BBS4: variants seen among roughly 807,000 people sequenced by gnomAD.
The protein encoded by BBS4 is BBSome complex member BBS4.
Under a neutral mutation model 71.4 loss-of-function variants are expected in BBS4, and 58 were observed. The observed-to-expected ratio is 0.81, with a 90% CI of 0.66 to 1.01. The LOEUF (loss-of-function observed/expected upper bound fraction) is 1.01, where lower values mean the gene tolerates loss of function less well. BBS4 is among the 50% of genes least tolerant of loss of function. The pLI, the probability that BBS4 is intolerant of heterozygous loss-of-function variation, is 0.00. For missense variants in BBS4, 660 were observed against 607.9 expected (o/e 1.09, Z -0.90); for synonymous variants, 228 against 216.8 (o/e 1.05, Z -0.46).
chr15:72,725,447 G>GT (rs1258594989), intron 8 of BBS4, among the ~76,000 whole-genome samples: 1 of 152,080 alleles, frequency 6.6e-6, no homozygotes, highest in Non-Finnish European at 1.5e-5. Flanking sequence ...CTACATGATA[G>GT]TTACAAGGGA....
Position 72,735,189 on chromosome 15 carries a change from A to G in BBS4, c.1106+7A>G, listed in dbSNP as rs1567433032. 1 of 1,611,654 alleles carries G rather than the reference A, an allele frequency of 6.2e-7. No homozygotes were observed. Among genetic ancestry groups the G allele is most frequent in the Non-Finnish European group, 8.5e-7 (1 of 1,177,978 alleles). ...AAGCAGTCCACCTGGATAAGTATGC[A>G]CTTTGTTGAGAATGGTACTGGCGGG... is the stretch of plus-strand genomic sequence containing the variant. On this transcript the variant is annotated splice_region_variant and intron_variant, in intron 13 of 15. Coordinates refer to ENST00000268057, the MANE Select transcript of BBS4 (RefSeq NM_033028.5).
chr15:72,715,761 AAGTTT>A (rs1457667592), intron 5 of BBS4, among the ~76,000 whole-genome samples: 17 of 152,192 alleles, frequency 1.1e-4, no homozygotes, highest in Admixed American at 1.1e-3. Flanking sequence ...GTCACACAGT[AAGTTT>A]TTAGTAAGGA....
At chr15:72,689,263 A>G (rs568579135) in intron 1 of BBS4, among the ~76,000 whole-genome samples, 17 of 152,372 alleles carry the variant, frequency 1.1e-4, no homozygotes, top group Admixed American at 7.2e-4. Flanking sequence ...TAAGAAGGCT[A>G]CAGTCAAGGC....
chr15:72,712,015 G>A (rs2065381722), intron 3 of BBS4, among the ~76,000 whole-genome samples: 1 of 151,832 alleles, frequency 6.6e-6, no homozygotes, highest in African/African-American at 2.4e-5. Context: ...TTACAGACAC[G>A]CACCACTACT....
chr15:72,693,288 C>G (rs2065019422), intron 1 of BBS4, among the ~76,000 whole-genome samples: 1 of 152,140 alleles, frequency 6.6e-6, no homozygotes, highest in Admixed American at 6.5e-5. Context: ...TTATTCCACT[C>G]CTTTGTTCTG....
At chr15:72,688,711 T>A (rs1289062574) in intron 1 of BBS4, among the ~76,000 whole-genome samples, 1 of 152,186 alleles carries the variant, frequency 6.6e-6, no homozygotes, top group Non-Finnish European at 1.5e-5. Context: ...CCTTATTTTT[T>A]AATACAATTA....
chr15:72,725,476 C>T (rs1314473841), intron 8 of BBS4, among the ~76,000 whole-genome samples: 1 of 152,060 alleles, frequency 6.6e-6, no homozygotes, highest in African/African-American at 2.4e-5. Flanking sequence ...GACATGCACT[C>T]AAGAAGAAGG....
chr15:72,729,525 T>G, intron 9 of BBS4, 91 bp from the exon 10 acceptor site: 1 of 1,192,272 alleles, frequency 8.4e-7, no homozygotes, highest in Non-Finnish European at 1.3e-6. Flanking sequence ...GCTGGGATTA[T>G]AGGCATTAGC....
intron 9 of BBS4, among the ~76,000 whole-genome samples, chr15:72,728,505 A>G (rs1402170888): frequency 6.6e-6 from 1 of 152,122 alleles, no homozygotes; most frequent in Non-Finnish European, 1.5e-5. Flanking sequence ...CTCAGAAAAA[A>G]AAAAAAATTC....
rs1180395803 is a variant in BBS4 at position 72,735,045 on chromosome 15, G to T, written c.1037-68G>T. On this transcript the variant is annotated intron_variant, in intron 12 of 15. Coordinates refer to ENST00000268057, the MANE Select transcript of BBS4 (RefSeq NM_033028.5). ...CTGACAGGGTGAAGTTTACTTTGGGGGTAGTCTTTAATACTCCTTTTGTCT... is the reference window on the plus strand; with the variant it reads ...CTGACAGGGTGAAGTTTACTTTGGGTGTAGTCTTTAATACTCCTTTTGTCT... 3.5e-6 allele frequency: 4 copies of T among 1,155,532 alleles called. No individual in the cohort carries two copies. In the African/African-American group the frequency reaches 6.0e-5, roughly 17 times the overall value. The allele number at this position is 1,155,532 out of a possible 1,614,324, so 71.6% of individuals were successfully genotyped here.
At chr15:72,722,945 T>A in intron 7 of BBS4, 98 bp downstream of exon 7, 1 of 1,049,802 alleles carries the variant, frequency 9.5e-7, no homozygotes. Context: ...CTTGCAGAGG[T>A]TTTTGGAACT....
In BBS4 at chr15:72,705,587, CTTTTTTTTT is replaced by C. The variant is rs762708438; in HGVS notation, c.77-4098_77-4090del. Among the ~76,000 whole-genome samples, 9 of 86,866 alleles carry C rather than the reference CTTTTTTTTT, an allele frequency of 1.0e-4. No individual in the cohort carries two copies. The East Asian group carries it at 2.6e-3, about 25-fold the overall frequency. 57.0% of individuals were successfully genotyped at this position (86,866 alleles called of 152,430 possible). ...CAAGAAACACAAAACATGGCTTGTC[CTTTTTTTTT>C]TTTTTTTTTTTTTTGAGACTGGGTC... is the stretch of plus-strand genomic sequence containing the variant. On this transcript the variant is annotated intron_variant, in intron 2 of 15. Transcript: ENST00000268057.
chr15:72,737,610 A>C lies in BBS4; in HGVS notation c.*23A>C. ...TAAGAATAGAATGAATGACCCCAAA[A>C]TAGGGTTTTCTTGGGCGAGGATGTG... On this transcript the variant is annotated 3_prime_UTR_variant, in exon 16 of 16. Transcript: ENST00000268057. 8 of 1,551,176 alleles carry C rather than the reference A, an allele frequency of 5.2e-6. No individual in the cohort carries two copies. Among genetic ancestry groups the C allele is most frequent in the Non-Finnish European group, 5.3e-6 (6 of 1,134,916 alleles).
At chr15:72,702,622 A>G (rs570923203) in intron 2 of BBS4, among the ~76,000 whole-genome samples, 1 of 152,194 alleles carries the variant, frequency 6.6e-6, no homozygotes, top group Non-Finnish European at 1.5e-5. Context: ...TTAAAAAATT[A>G]TAGGCCAGCT....
At position 72,736,849 on chromosome 15, in the gene BBS4, A is replaced by C. The variant is rs201230357; in HGVS notation, c.1336A>C (p.Lys446Gln). 18 of 1,614,192 alleles carry C rather than the reference A, an allele frequency of 1.1e-5. No homozygotes were observed. In the East Asian group the frequency reaches 4.0e-4, roughly 36 times the overall value. The change falls in exon 15 of 16, where the codon AAG becomes CAG. Residue 446 changes from lysine to glutamine, a missense_variant. Transcript: ENST00000268057. The part of the protein sequence containing the change: ...WTKPVKDPKS[K>Q]HQTTSTSKPA... ...CAAACCAGTTAAAGATCCCAAATCA[A>C]AGCACCAGACCACTTCAACCAGCAA...
In BBS4 at chr15:72,686,492, G is replaced by T; in HGVS notation, c.24+241G>T. ...TAGTCCCTCTTGGGGTGCGCTGGAC[G>T]GAGAAGGGAGACTTTTCACCAGTAA... On this transcript the variant is annotated intron_variant, in intron 1 of 15. Coordinates refer to ENST00000268057, the MANE Select transcript of BBS4 (RefSeq NM_033028.5). The T allele has an allele frequency of 1.3e-6, 2 of 1,523,628 alleles. 1 individual carries two copies. Among genetic ancestry groups the T allele is most frequent in the Non-Finnish European group, 1.8e-6 (2 of 1,139,622 alleles). The allele number at this position is 1,523,628 out of a possible 1,614,324, so 94.4% of individuals were successfully genotyped here. A position where few individuals can be genotyped will look rare whatever the true frequency, so the allele number is the denominator to read the frequency against.
At chr15:72,712,617 T>C (rs2065394506) in intron 4 of BBS4, among the ~76,000 whole-genome samples, 1 of 152,214 alleles carries the variant, frequency 6.6e-6, no homozygotes, top group Non-Finnish European at 1.5e-5. Context: ...CAGTGGTAAG[T>C]GTATCTAAAC....
Position 72,738,216 on chromosome 15 carries a change from A to G in BBS4, c.*629A>G, listed in dbSNP as rs1170811989. On this transcript the variant is annotated 3_prime_UTR_variant, in exon 16 of 16. Transcript: ENST00000268057. ...TTTTGTTCTTGAGAGGGGTCAGTCTAGAAGCTAGATCCTATCAGGATGAGG... is the reference window on the plus strand; with the variant it reads ...TTTTGTTCTTGAGAGGGGTCAGTCTGGAAGCTAGATCCTATCAGGATGAGG... 6.6e-6 allele frequency: 3 copies of G among 453,444 alleles called. No homozygotes were observed. The highest frequency in any genetic ancestry group is 6.0e-5 in the African/African-American group (3 of 49,946). The allele number at this position is 453,444 out of a possible 1,614,324, so 28.1% of individuals were successfully genotyped here.
rs558075769 is a variant in BBS4 at position 72,698,943 on chromosome 15, A to G, written c.76+3715A>G. Among the ~76,000 whole-genome samples the G allele has an allele frequency of 5.3e-5, 8 of 152,318 alleles. No homozygotes were observed. The East Asian group carries it at 9.6e-4, about 18-fold the overall frequency. On this transcript the variant is annotated intron_variant, in intron 2 of 15. Coordinates refer to ENST00000268057, the MANE Select transcript of BBS4 (RefSeq NM_033028.5). ...TGTTACCTAATTCACCCTAAAGTCT[A>G]CATGAAACCACTGTCACAGTCTTTG... is the stretch of plus-strand genomic sequence containing the variant.
Sources: gnomAD v4.1 joint callset for allele counts (sites outside exome capture counted in the v4.1 genomes callset) on GRCh38, gnomAD v4.1.1 for gene constraint, MANE v1.5 for transcripts, NCBI Gene and HGNC (gene_info 2026-07-23, HGNC 2026-07-21) for gene names.